TLL1: variants seen among roughly 807,000 people sequenced by gnomAD.
TLL1 encodes tolloid-like protein 1.
TLL1 carries 49 observed loss-of-function variants against 128.2 expected under a neutral mutation model. That is an observed-to-expected ratio of 0.38 (90% confidence interval 0.30 to 0.48). The LOEUF is 0.48. TLL1 is among the 20% of genes least tolerant of loss of function. The pLI, the probability that TLL1 is intolerant of heterozygous loss-of-function variation, is 0.96. For missense variants in TLL1, 1,123 were observed against 1,242.0 expected, an observed-to-expected ratio of 0.90 and a Z score of 1.44; for synonymous variants, 454 against 418.8, an observed-to-expected ratio of 1.08 and a Z score of -1.03.
chr4:165,962,226 C>CAAGA (rs1735140443), intron 1 of TLL1, among the ~76,000 whole-genome samples: 1 of 151,584 alleles, frequency 6.6e-6, no homozygotes, highest in Non-Finnish European at 1.5e-5. Context: ...AATCCATAAA[C>CAAGA]AAAAAATAAA....
Position 166,031,363 on chromosome 4 carries a change from CTTTTTTTTTTT to C in TLL1, c.1158+5945_1158+5955del, listed in dbSNP as rs35799879. On this transcript the variant is annotated intron_variant, in intron 9 of 20. Transcript: ENST00000061240. Reference sequence around the variant, plus strand: ...TTATAAATTATGGCGATTGCAAGGTCTTTTTTTTTTTTTTTTTTTTTTTGACATGGAGCCTT... The same window carrying C: ...TTATAAATTATGGCGATTGCAAGGTCTTTTTTTTTTTTGACATGGAGCCTT... 4.9e-5 allele frequency among the ~76,000 whole-genome samples: 5 copies of C among 102,274 alleles called. No homozygotes were observed. In the South Asian group the frequency reaches 1.7e-3, roughly 34 times the overall value. The allele number at this position is 102,274 out of a possible 152,430, so 67.1% of individuals were successfully genotyped here.
At chr4:165,890,198 T>C (rs1731336173) in intron 1 of TLL1, among the ~76,000 whole-genome samples, 1 of 152,126 alleles carries the variant, frequency 6.6e-6, no homozygotes, top group Non-Finnish European at 1.5e-5. Context: ...TCTCACCATG[T>C]CCCTCTCATG....
chr4:166,077,657 T>C (rs1248983047), intron 17 of TLL1, among the ~76,000 whole-genome samples: 1 of 152,196 alleles, frequency 6.6e-6, no homozygotes, highest in Non-Finnish European at 1.5e-5. Flanking sequence ...GTTCATTTTC[T>C]TTTAGGCATT....
At chr4:166,014,385 A>AT (rs1405157248) in intron 7 of TLL1, 51 bp from the exon 8 acceptor site, 1 of 1,610,088 alleles carries the variant, frequency 6.2e-7, no homozygotes, top group Middle Eastern at 1.7e-4. Context: ...TAAGGAATTC[A>AT]TGAGTTTTCA....
At chr4:165,891,023 CA>C (rs1291793076) in intron 1 of TLL1, among the ~76,000 whole-genome samples, 2 of 152,190 alleles carry the variant, frequency 1.3e-5, no homozygotes, top group Non-Finnish European at 2.9e-5. Context: ...CCAGGCACAC[CA>C]CCACATATAA....
intron 1 of TLL1, among the ~76,000 whole-genome samples, chr4:165,880,946 G>A (rs975190536): frequency 6.6e-6 from 1 of 152,082 alleles, no homozygotes; most frequent in Non-Finnish European, 1.5e-5. Context: ...GAGTTTATTG[G>A]GATAATCTCA....
chr4:165,990,662 G>A (rs1343516967), intron 2 of TLL1, among the ~76,000 whole-genome samples: 7 of 151,650 alleles, frequency 4.6e-5, no homozygotes, highest in East Asian at 3.9e-4. Flanking sequence ...TGCAGAAAAC[G>A]CACTTTAATA....
intron 18 of TLL1, among the ~76,000 whole-genome samples, chr4:166,085,601 A>G (rs2111150887): frequency 6.6e-6 from 1 of 152,056 alleles, no homozygotes; most frequent in Non-Finnish European, 1.5e-5. Flanking sequence ...TGTATGTTGA[A>G]CCATCCTTGC....
intron 9 of TLL1, among the ~76,000 whole-genome samples, chr4:166,034,328 T>C (rs77073057): frequency 1.1e-4 from 16 of 152,208 alleles, no homozygotes; most frequent in African/African-American, 3.9e-4. Flanking sequence ...AGAGTCCACA[T>C]AGAATTATGT....
chr4:166,086,156 C>T (rs1741501402), intron 18 of TLL1, among the ~76,000 whole-genome samples: 1 of 152,050 alleles, frequency 6.6e-6, no homozygotes, highest in Non-Finnish European at 1.5e-5. Flanking sequence ...GGTGTTCATT[C>T]ACCGTATGTA....
At chr4:166,053,664 T>C (rs1049673731) in intron 12 of TLL1, among the ~76,000 whole-genome samples, 3 of 152,224 alleles carry the variant, frequency 2.0e-5, no homozygotes, top group Non-Finnish European at 2.9e-5. Flanking sequence ...TTCTACCAAC[T>C]ATACTGGCAG....
At position 165,873,430 on chromosome 4, in the gene TLL1, GGCTCAGGCGGCGGCGGCTCGC is replaced by G. The variant is rs1730578059; in HGVS notation, c.-470_-450del. 6.5e-6 allele frequency: 1 copy of G among 153,194 alleles called. No individual in the cohort carries two copies. Among genetic ancestry groups the G allele is most frequent in the Admixed American group, 6.5e-5 (1 of 15,284 alleles). 9.5% of individuals were successfully genotyped at this position (153,194 alleles called of 1,614,324 possible). A position where few individuals can be genotyped will look rare whatever the true frequency, so the allele number is the denominator to read the frequency against. ...TCTCGGAGCTGCGGCGGCGGCTTTG[GGCTCAGGCGGCGGCGGCTCGC>G]GCTCGGCCGCGGAGTCCTGGCAGCA... On this transcript the variant is annotated 5_prime_UTR_variant, in exon 1 of 21. Coordinates refer to ENST00000061240, the MANE Select transcript of TLL1 (RefSeq NM_012464.5).
In TLL1 at chr4:166,017,971, GTAGAGT is replaced by G. The variant is rs540158450; in HGVS notation, c.1042+3414_1042+3419del. On this transcript the variant is annotated intron_variant, in intron 8 of 20. Coordinates refer to ENST00000061240, the MANE Select transcript of TLL1 (RefSeq NM_012464.5). ...CAATAACTGCAAGTATATAAATGGA[GTAGAGT>G]TAAAGATTCATAACTGTACATGTGA... Among the ~76,000 whole-genome samples, 160 of 152,246 alleles carry G rather than the reference GTAGAGT, an allele frequency of 1.1e-3. 1 individual carries two copies. The highest frequency in any genetic ancestry group is 3.3e-3 in the African/African-American group (138 of 41,530).
At chr4:165,912,946 A>T (rs191564242) in intron 1 of TLL1, among the ~76,000 whole-genome samples, 1 of 152,028 alleles carries the variant, frequency 6.6e-6, no homozygotes, top group Admixed American at 6.5e-5. Flanking sequence ...TTTCTTCTTT[A>T]ATCAAATATA....
chr4:165,894,842 A>AGT (rs34248657), intron 1 of TLL1, among the ~76,000 whole-genome samples: 7,003 of 142,032 alleles, frequency 0.049, 274 homozygotes, highest in African/African-American at 0.12. Flanking sequence ...TCAAATGATG[A>AGT]GTGTGTGTGT....
chr4:165,883,031 G>A (rs1460063), intron 1 of TLL1, among the ~76,000 whole-genome samples: 84,520 of 151,754 alleles, frequency 0.56, 24,387 homozygotes, highest in East Asian at 0.77. Flanking sequence ...GATATTGATT[G>A]TAGGATATAC....
intron 1 of TLL1, among the ~76,000 whole-genome samples, chr4:165,901,164 C>G (rs763189099): frequency 6.6e-5 from 10 of 152,026 alleles, no homozygotes; most frequent in Non-Finnish European, 1.3e-4. Context: ...TTCTTAGTTT[C>G]CTTGCATTGG....
chr4:165,994,082 A>C (rs2111017760), intron 3 of TLL1, among the ~76,000 whole-genome samples: 1 of 152,228 alleles, frequency 6.6e-6, no homozygotes, highest in East Asian at 1.9e-4. Flanking sequence ...ACAGAAAACA[A>C]ATTTTCTGTG....
At chr4:165,945,421 G>A (rs2110929924) in intron 1 of TLL1, among the ~76,000 whole-genome samples, 1 of 152,258 alleles carries the variant, frequency 6.6e-6, no homozygotes, top group East Asian at 1.9e-4. Context: ...GTTGACAGAA[G>A]TTGTCTAGTA....
Sources: gnomAD v4.1 joint callset for allele counts (sites outside exome capture counted in the v4.1 genomes callset) on GRCh38, gnomAD v4.1.1 for gene constraint, MANE v1.5 for transcripts, NCBI Gene and HGNC (gene_info 2026-07-23, HGNC 2026-07-21) for gene names.